The following RBFOX1 variants were observed in gnomAD, a reference collection of about 807,000 sequenced individuals.
RBFOX1 encodes the protein RNA binding fox-1 homolog 1.
RBFOX1 carries 8 observed loss-of-function variants against 57.7 expected under a neutral mutation model. That is an observed-to-expected ratio of 0.14 (90% CI 0.08 to 0.25). The LOEUF (loss-of-function observed/expected upper bound fraction) is 0.25. RBFOX1 is among the 10% of genes least tolerant of loss of function. The probability of loss-of-function intolerance (pLI) is 1.00; values close to 1 mark genes in which losing one functional copy is unlikely to be tolerated. For synonymous variants in RBFOX1, 326 were observed against 222.4 expected (o/e 1.47, Z -4.15); for missense variants, 611 against 548.5 (o/e 1.11, Z -1.14).
rs1204424048 is a variant in RBFOX1 at position 7,695,482 on chromosome 16, A to T, written c.996-13574A>T. ...AGCCTGGCCAACATGGTGAAACCCC[A>T]TCTCTACTAAAAATACAAAAATTAG... On this transcript the variant is annotated intron_variant, in intron 14 of 15. Coordinates refer to ENST00000550418, the MANE Select transcript of RBFOX1 (RefSeq NM_018723.4). Among the ~76,000 whole-genome samples the T allele has an allele frequency of 2.0e-5, 3 of 151,812 alleles. No individual in the cohort carries two copies. The South Asian group carries it at 6.3e-4, about 32-fold the overall frequency.
intron 4 of RBFOX1, among the ~76,000 whole-genome samples, chr16:5,873,409 C>G (rs374388091): frequency 1.3e-5 from 2 of 152,196 alleles, no homozygotes; most frequent in Admixed American, 6.5e-5. Context: ...TTGGCCTTGT[C>G]TAATTTTGCC....
At chr16:6,473,415 C>T (rs1346761083) in intron 2 of RBFOX1, among the ~76,000 whole-genome samples, 1 of 152,082 alleles carries the variant, frequency 6.6e-6, no homozygotes, top group Non-Finnish European at 1.5e-5. Flanking sequence ...TATGTATCTC[C>T]ACTGACTCAC....
At chr16:5,752,808 A>T (rs2053257659) in intron 3 of RBFOX1, among the ~76,000 whole-genome samples, 1 of 152,176 alleles carries the variant, frequency 6.6e-6, no homozygotes, top group Admixed American at 6.5e-5. Context: ...TGCAACTTTG[A>T]GGCATATGTT....
chr16:6,899,331 A>G (rs887578862), intron 3 of RBFOX1, among the ~76,000 whole-genome samples: 6 of 152,140 alleles, frequency 3.9e-5, no homozygotes, highest in African/African-American at 1.4e-4. Flanking sequence ...GTTTCCTTGC[A>G]TTCCATTTTC....
chr16:7,078,126 A>G (rs550682527), intron 4 of RBFOX1, among the ~76,000 whole-genome samples: 41 of 152,184 alleles, frequency 2.7e-4, no homozygotes, highest in Non-Finnish European at 4.7e-4. Context: ...TGGTAACTCC[A>G]CTGTTCATTC....
chr16:7,103,296 C>A (rs772543411), intron 4 of RBFOX1, among the ~76,000 whole-genome samples: 1 of 152,098 alleles, frequency 6.6e-6, no homozygotes, highest in East Asian at 1.9e-4. Context: ...TGTCCAGTCT[C>A]AAGTCAGTAT....
At chr16:6,054,087 A>C (rs114338895) in intron 1 of RBFOX1, among the ~76,000 whole-genome samples, 10 of 152,234 alleles carry the variant, frequency 6.6e-5, no homozygotes, top group African/African-American at 2.4e-4. Context: ...AGAAAGAAAT[A>C]AATGGCACCC....
At chr16:5,248,906 T>TGAACCC (rs1156365733) in intron 1 of RBFOX1, among the ~76,000 whole-genome samples, 3 of 144,664 alleles carry the variant, frequency 2.1e-5, no homozygotes, top group Non-Finnish European at 3.0e-5. Flanking sequence ...GTGAATTGCT[T>TGAACCC]GAACCCGGGA....
chr16:7,623,720 A>G lies in RBFOX1; in HGVS notation c.677-6883A>G, dbSNP rs961596233. Reference sequence around the variant, plus strand: ...TTAAACAACAGAAATTTATTTTCTCATAATTCTGGATGCTGGAAGTCTGAG... The same window carrying G: ...TTAAACAACAGAAATTTATTTTCTCGTAATTCTGGATGCTGGAAGTCTGAG... On this transcript the variant is annotated intron_variant, in intron 10 of 15. Coordinates refer to ENST00000550418, the MANE Select transcript of RBFOX1 (RefSeq NM_018723.4). Among the ~76,000 whole-genome samples the G allele has an allele frequency of 2.6e-5, 4 of 152,132 alleles. 1 individual carries two copies. Among genetic ancestry groups the G allele is most frequent in the Admixed American group, 6.5e-5 (1 of 15,276 alleles).
At chr16:7,351,933 G>A (rs1055080173) in intron 4 of RBFOX1, among the ~76,000 whole-genome samples, 22 of 152,168 alleles carry the variant, frequency 1.4e-4, no homozygotes, top group African/African-American at 4.8e-4. Flanking sequence ...AAAGCCCACA[G>A]TGACCCTCAC....
intron 2 of RBFOX1, among the ~76,000 whole-genome samples, chr16:6,371,508 C>G (rs1226209532): frequency 6.6e-6 from 1 of 152,096 alleles, no homozygotes; most frequent in African/African-American, 2.4e-5. Flanking sequence ...CAAGCTGGCT[C>G]CTGTATCATT....
chr16:7,141,279 A>G (rs1014612198), intron 4 of RBFOX1, among the ~76,000 whole-genome samples: 2 of 152,146 alleles, frequency 1.3e-5, no homozygotes, highest in African/African-American at 4.8e-5. Context: ...GCATCTATTC[A>G]CACCCAATAT....
At chr16:6,079,998 C>A (rs76082917) in intron 1 of RBFOX1, among the ~76,000 whole-genome samples, 1 of 152,164 alleles carries the variant, frequency 6.6e-6, no homozygotes, top group African/African-American at 2.4e-5. Context: ...AGGCTTACAA[C>A]CATGTAACAA....
intron 4 of RBFOX1, among the ~76,000 whole-genome samples, chr16:7,256,282 G>A (rs555830612): frequency 6.6e-6 from 1 of 152,222 alleles, no homozygotes; most frequent in South Asian, 2.1e-4. Context: ...GTTCTGATGA[G>A]GGGAGAGGTT....
chr16:6,746,344 C>T lies in RBFOX1; in HGVS notation c.-16+91694C>T, dbSNP rs72764997. Among the ~76,000 whole-genome samples, 663 of 152,120 alleles carry T rather than the reference C, an allele frequency of 4.4e-3. 3 individuals are homozygous for T. Among genetic ancestry groups the T allele is most frequent in the Non-Finnish European group, 7.1e-3 (481 of 68,010 alleles). On this transcript the variant is annotated intron_variant, in intron 3 of 15. Coordinates refer to ENST00000550418, the MANE Select transcript of RBFOX1 (RefSeq NM_018723.4). ...AAAAAACAATTTGGGAAGATGAATA[C>T]TGTATGATTTGCAGACTTAATGGAA...
At chr16:6,945,645 C>G (rs1294819691) in intron 3 of RBFOX1, among the ~76,000 whole-genome samples, 2 of 152,042 alleles carry the variant, frequency 1.3e-5, no homozygotes, top group Non-Finnish European at 2.9e-5. Flanking sequence ...AATCCCAGCA[C>G]TTTGGGAGGA....
At chr16:7,307,975 G>A (rs964992035) in intron 4 of RBFOX1, among the ~76,000 whole-genome samples, 9 of 152,104 alleles carry the variant, frequency 5.9e-5, no homozygotes, top group African/African-American at 1.4e-4. Flanking sequence ...AATCTTCCAC[G>A]TTCCAAAGTA....
intron 2 of RBFOX1, among the ~76,000 whole-genome samples, chr16:6,635,906 A>G (rs1602187647): frequency 6.6e-6 from 1 of 152,076 alleles, no homozygotes; most frequent in African/African-American, 2.4e-5. Context: ...TCTTTTTCAG[A>G]TTTTGGAATA....
intron 4 of RBFOX1, among the ~76,000 whole-genome samples, chr16:5,893,932 T>C (rs11861005): frequency 0.29 from 44,636 of 151,992 alleles, 6,697 homozygotes; most frequent in South Asian, 0.44. Context: ...CCCACAGCCA[T>C]GTCCGTCATT....
Sources: gnomAD v4.1 joint callset for allele counts (sites outside exome capture counted in the v4.1 genomes callset) on GRCh38, gnomAD v4.1.1 for gene constraint, MANE v1.5 for transcripts, NCBI Gene and HGNC (gene_info 2026-07-23, HGNC 2026-07-21) for gene names.